ASB15: variants seen among roughly 807,000 people sequenced by gnomAD.
ASB15 encodes the protein ankyrin repeat and SOCS box protein 15.
Under a neutral mutation model 58.0 loss-of-function variants are expected in ASB15, and 54 were observed. The ratio of observed to expected loss-of-function variants is 0.93; its 90% CI spans 0.75 to 1.17. The LOEUF (loss-of-function observed/expected upper bound fraction) is 1.17. Ranked by LOEUF, ASB15 falls within the 50% of genes most tolerant of loss-of-function variation. ASB15 has a pLI of 0.00. For missense variants in ASB15, 680 were observed against 707.4 expected (o/e 0.96, Z 0.44); for synonymous variants, 249 against 262.4 (o/e 0.95, Z 0.50).
chr7:123,574,352 A>G (rs1182205630), intron 1 of ASB15, among the ~76,000 whole-genome samples: 1 of 152,046 alleles, frequency 6.6e-6, no homozygotes, highest in Non-Finnish European at 1.5e-5. Flanking sequence ...ATTTTAGTAT[A>G]TGTCGGAATC....
chr7:123,633,363 TATA>T (rs1283301831), intron 11 of ASB15, among the ~76,000 whole-genome samples: 10 of 152,022 alleles, frequency 6.6e-5, no homozygotes, highest in African/African-American at 2.4e-4. Flanking sequence ...TTGATAGTGA[TATA>T]ATATTAATAT....
At chr7:123,599,910 T>C (rs1014167360), upstream of ASB15, among the ~76,000 whole-genome samples, 2 of 152,168 alleles carry the variant, frequency 1.3e-5, no homozygotes, top group African/African-American at 2.4e-5. Context: ...CTAGAGGCAC[T>C]GTTTGAAAAG....
chr7:123,599,098 A>C (rs1799792370), upstream of ASB15, among the ~76,000 whole-genome samples: 1 of 152,220 alleles, frequency 6.6e-6, no homozygotes, highest in Non-Finnish European at 1.5e-5. Context: ...ACTGACCCCA[A>C]GGCCAAAATA....
intron 1 of ASB15, among the ~76,000 whole-genome samples, chr7:123,588,409 T>A (rs996932670): frequency 6.6e-6 from 1 of 151,562 alleles, no homozygotes; most frequent in Admixed American, 6.6e-5. Context: ...TCTCTTTTTT[T>A]CTTAGTTAGG....
chr7:123,620,532 ATATATATATATATATATATATATTTTTT>A (rs1801207441), intron 7 of ASB15, among the ~76,000 whole-genome samples: 5 of 16,138 alleles, frequency 3.1e-4, no homozygotes, highest in South Asian at 5.0e-3. Context: ...ATATATATAT[ATATATATATATATATATATATATTTTTT>A]TTTTTTTTTT....
At chr7:123,611,033 A>G (rs1584770760) in intron 3 of ASB15, among the ~76,000 whole-genome samples, 1 of 148,442 alleles carries the variant, frequency 6.7e-6, no homozygotes, top group East Asian at 2.0e-4. Flanking sequence ...CAGTGAGCCA[A>G]GATTGTGCCG....
intron 11 of ASB15, among the ~76,000 whole-genome samples, chr7:123,631,953 C>T (rs527557962): frequency 1.3e-5 from 2 of 152,160 alleles, no homozygotes; most frequent in Middle Eastern, 3.4e-3. Flanking sequence ...TGGCGGGCGC[C>T]TGTAATCCCA....
At chr7:123,580,797 C>T (rs757158530) in intron 1 of ASB15, among the ~76,000 whole-genome samples, 6 of 151,910 alleles carry the variant, frequency 3.9e-5, no homozygotes, top group Admixed American at 6.6e-5. Context: ...TAGAGAAATG[C>T]TTAGGTATAA....
intron 1 of ASB15, among the ~76,000 whole-genome samples, chr7:123,584,567 T>G (rs1197154037): frequency 2.0e-5 from 3 of 151,918 alleles, no homozygotes; most frequent in African/African-American, 7.2e-5. Flanking sequence ...TAATATTTCT[T>G]ATAAGGTTTT....
At chr7:123,622,609 A>G (rs1306929972) in intron 7 of ASB15, 1 of 152,188 alleles carries the variant, frequency 6.6e-6, no homozygotes. Context: ...ATGTTTTCTG[A>G]GTCAGACAAA....
chr7:123,600,052 T>A (rs188521879), upstream of ASB15, among the ~76,000 whole-genome samples: 1 of 152,184 alleles, frequency 6.6e-6, no homozygotes, highest in Non-Finnish European at 1.5e-5. Context: ...TCAAAGTATG[T>A]CTTATTGTGT....
intron 1 of ASB15, among the ~76,000 whole-genome samples, chr7:123,594,106 C>T (rs147179219): frequency 6.6e-6 from 1 of 152,148 alleles, no homozygotes; most frequent in Non-Finnish European, 1.5e-5. Context: ...ATGCAGTTCT[C>T]GTACTGTGGT....
At chr7:123,636,382 A>AATC (rs1802427032) in intron 11 of ASB15, among the ~76,000 whole-genome samples, 1 of 152,250 alleles carries the variant, frequency 6.6e-6, no homozygotes, top group Non-Finnish European at 1.5e-5. Flanking sequence ...TGATCTATGG[A>AATC]ATCATCTGTG....
chr7:123,621,776 CT>C (rs367678543), intron 7 of ASB15, among the ~76,000 whole-genome samples: 188 of 152,240 alleles, frequency 1.2e-3, no homozygotes, highest in African/African-American at 4.2e-3. Context: ...TGGTAGATAT[CT>C]GATTTGTGAT....
intron 11 of ASB15, among the ~76,000 whole-genome samples, chr7:123,635,906 A>C (rs1802403704): frequency 2.6e-5 from 4 of 152,160 alleles, no homozygotes; most frequent in Admixed American, 2.0e-4. Context: ...AATTGTTTAT[A>C]TCATCAAATG....
In ASB15 at chr7:123,629,434, G is replaced by A. The variant is rs774944187; in HGVS notation, c.1440G>A (p.Pro480=). 2.8e-5 allele frequency: 45 copies of A among 1,593,834 alleles called. No individual in the cohort carries two copies. The highest frequency in any genetic ancestry group is 1.7e-4 in the Admixed American group (10 of 59,510). Residue 480 remains proline (P), a splice_region_variant and synonymous_variant, in exon 10 of 12, where the codon CCG becomes CCA. Transcript: ENST00000451215. ...CATCTTGTGTAATAAAAGATAACCC[G>A]GTGAGTTATGCCTTTTCTGCTTTAT... is the stretch of plus-strand genomic sequence containing the variant. ...GWTSCVIKDN[P]FCEFITVPWM... is the part of the protein sequence containing the mutation.
intron 1 of ASB15, among the ~76,000 whole-genome samples, chr7:123,586,620 A>T (rs1167107866): frequency 6.6e-6 from 1 of 151,744 alleles, no homozygotes; most frequent in Non-Finnish European, 1.5e-5. Flanking sequence ...TATCCAAAAA[A>T]TTATTGCCAA....
intron 1 of ASB15, among the ~76,000 whole-genome samples, chr7:123,581,533 G>T (rs1270299838): frequency 6.6e-6 from 1 of 150,834 alleles, no homozygotes; most frequent in Non-Finnish European, 1.5e-5. Context: ...CATCTTTTTT[G>T]ATGTGTCATG....
chr7:123,569,427 A>T (rs1798845306), intron 1 of ASB15, among the ~76,000 whole-genome samples: 1 of 152,340 alleles, frequency 6.6e-6, no homozygotes, highest in Non-Finnish European at 1.5e-5. Context: ...CATAATATTT[A>T]AAAAGTCATT....
Sources: allele counts gnomAD v4.1 joint callset (sites outside exome capture counted in the v4.1 genomes callset), GRCh38; gene constraint gnomAD v4.1.1; transcripts MANE v1.5; gene names NCBI Gene and HGNC (gene_info 2026-07-23, HGNC 2026-07-21).